Variants in TCF20 observed in about 807,000 individuals in gnomAD.
TCF20 encodes SPRE-binding protein.
TCF20 carries 3 observed loss-of-function variants against 148.6 expected under a neutral mutation model. The ratio of observed to expected loss-of-function variants is 0.02; its 90% CI spans 0.01 to 0.05. The LOEUF is 0.05. Ranked by LOEUF, TCF20 falls within the 10% of genes least tolerant of loss-of-function variation. The pLI, the probability that TCF20 is intolerant of heterozygous loss-of-function variation, is 1.00. For synonymous variants in TCF20, 1,049 were observed against 909.5 expected (o/e 1.15, Z -2.76); for missense variants, 2,350 against 2,429.3 (o/e 0.97, Z 0.69).
intron 1 of TCF20, among the ~76,000 whole-genome samples, chr22:42,228,179 ATTAG>A (rs1029450954): frequency 1.2e-4 from 19 of 152,226 alleles, no homozygotes; most frequent in African/African-American, 2.9e-4. Context: ...AGAGCAGGGA[ATTAG>A]TTAGTTGGTA....
intron 1 of TCF20, among the ~76,000 whole-genome samples, chr22:42,267,103 A>G (rs1926328370): frequency 1.3e-5 from 2 of 151,922 alleles, no homozygotes; most frequent in Admixed American, 1.3e-4. Context: ...TCCCGTCTCT[A>G]CTGAAAATAC....
At chr22:42,243,639 T>G (rs5751250) in intron 1 of TCF20, among the ~76,000 whole-genome samples, 53,573 of 151,788 alleles carry the variant, frequency 0.35, 11,154 homozygotes, top group South Asian at 0.47. Context: ...GAACTGGACT[T>G]GAGTTAATAA....
chr22:42,259,194 C>T (rs1404811069), intron 1 of TCF20, among the ~76,000 whole-genome samples: 1 of 152,202 alleles, frequency 6.6e-6, no homozygotes, highest in Non-Finnish European at 1.5e-5. Context: ...ACCATGCTCC[C>T]TTAATCGCTA....
chr22:42,231,003 A>G (rs1183543807), intron 1 of TCF20, among the ~76,000 whole-genome samples: 1 of 152,116 alleles, frequency 6.6e-6, no homozygotes, highest in African/African-American at 2.4e-5. Flanking sequence ...TACTAAAAAA[A>G]ACACAAAAAT....
chr22:42,241,005 G>A (rs888353799), intron 1 of TCF20, among the ~76,000 whole-genome samples: 3 of 151,954 alleles, frequency 2.0e-5, no homozygotes, highest in Admixed American at 6.6e-5. Flanking sequence ...ACAAGCACCC[G>A]CCATCACGCC....
At chr22:42,268,756 A>G (rs1156286417) in intron 1 of TCF20, among the ~76,000 whole-genome samples, 1 of 152,256 alleles carries the variant, frequency 6.6e-6, no homozygotes, top group Non-Finnish European at 1.5e-5. Flanking sequence ...GTTAAGGTGC[A>G]TTCCACCTAG....
chr22:42,207,640 A>G (rs1463226607), intron 2 of TCF20, among the ~76,000 whole-genome samples: 9 of 152,154 alleles, frequency 5.9e-5, no homozygotes, highest in South Asian at 2.1e-4. Context: ...ACGTGGAGAA[A>G]CCTCATGTCT....
At chr22:42,305,807 G>A (rs1195026590) in intron 1 of TCF20, among the ~76,000 whole-genome samples, 1 of 151,768 alleles carries the variant, frequency 6.6e-6, no homozygotes, top group Admixed American at 6.6e-5. Flanking sequence ...CCCAGATCTG[G>A]CCCTCCCCCA....
intron 1 of TCF20, among the ~76,000 whole-genome samples, chr22:42,231,403 G>C (rs1246973342): frequency 6.6e-6 from 1 of 152,108 alleles, no homozygotes; most frequent in Non-Finnish European, 1.5e-5. Flanking sequence ...GGTTGCTTGA[G>C]CCCAGGAGTT....
In TCF20 at chr22:42,214,090, C is replaced by T. The variant is rs143327169; in HGVS notation, c.1216G>A (p.Gly406Ser). The stretch of plus-strand genomic sequence containing the variant: ...AACTGTAAAATTCTGTTTCTGGAAC[C>T]CATAGGCACACTGCCTTGCCCACAC... ...LQCGQGSVPM[G>S]SRNRILQLMP... The change falls in exon 2 of 6, where the codon GGT becomes AGT. Residue 406 changes from glycine (G) to serine (S), a missense_variant. Around this residue, in one of 7 missense-constraint regions of TCF20, gnomAD observed 1,641 missense variants for 1,662.6 expected, o/e 0.99. Transcript: ENST00000677622. The T allele has an allele frequency of 1.6e-4, 262 of 1,614,152 alleles. No homozygotes were observed. In the African/African-American group the frequency reaches 3.0e-3, roughly 18 times the overall value.
intron 1 of TCF20, among the ~76,000 whole-genome samples, chr22:42,320,341 G>A (rs1319916330): frequency 6.6e-6 from 1 of 152,228 alleles, no homozygotes; most frequent in African/African-American, 2.4e-5. Context: ...CTTAGCAGCT[G>A]TGGACCTTAG....
intron 5 of TCF20, 106 bp downstream of exon 5, chr22:42,168,503 C>T: frequency 1.4e-6 from 2 of 1,441,920 alleles, no homozygotes; most frequent in Non-Finnish European, 1.8e-6. Context: ...TTGTCATCCA[C>T]AGGATGAAAT....
intron 2 of TCF20, among the ~76,000 whole-genome samples, chr22:42,183,619 C>T (rs145782416): frequency 1.0e-3 from 157 of 152,308 alleles, no homozygotes; most frequent in African/African-American, 3.7e-3. Context: ...ACCTCAATTC[C>T]AGCCCAGTAA....
intron 2 of TCF20, among the ~76,000 whole-genome samples, chr22:42,200,895 C>T (rs1312424487): frequency 6.6e-6 from 1 of 152,150 alleles, no homozygotes; most frequent in African/African-American, 2.4e-5. Flanking sequence ...TTGCACTGCC[C>T]GTAAATTAAA....
intron 1 of TCF20, among the ~76,000 whole-genome samples, chr22:42,329,065 G>A (rs1198531517): frequency 3.3e-5 from 5 of 152,156 alleles, no homozygotes; most frequent in Non-Finnish European, 7.4e-5. Context: ...TCATTTCCCC[G>A]CTCCCCCTCT....
intron 1 of TCF20, among the ~76,000 whole-genome samples, chr22:42,319,164 A>G (rs1207344346): frequency 6.6e-6 from 1 of 152,196 alleles, no homozygotes; most frequent in South Asian, 2.1e-4. Context: ...AAGTCTAGGA[A>G]GACTTCCTGG....
intron 1 of TCF20, among the ~76,000 whole-genome samples, chr22:42,269,234 G>A (rs1331730700): frequency 6.6e-6 from 1 of 152,056 alleles, no homozygotes; most frequent in Non-Finnish European, 1.5e-5. Context: ...AGATCAGCCT[G>A]TTAGATAATA....
At chr22:42,307,339 CA>C (rs1927454059) in intron 1 of TCF20, among the ~76,000 whole-genome samples, 1 of 152,232 alleles carries the variant, frequency 6.6e-6, no homozygotes, top group Admixed American at 6.5e-5. Context: ...CTTCCATCTG[CA>C]CTTAGGCCCA....
upstream of TCF20, among the ~76,000 whole-genome samples, chr22:42,285,521 C>T (rs1412759340): frequency 6.6e-6 from 1 of 152,154 alleles, no homozygotes; most frequent in Non-Finnish European, 1.5e-5. The surrounding 1 kb of genome is among the most constrained non-coding windows in gnomAD (Gnocchi z 4.2). Flanking sequence ...AGGCATTCCG[C>T]AGCCCTTCTA....
Sources: gnomAD v4.1 joint callset for allele counts (sites outside exome capture counted in the v4.1 genomes callset) on GRCh38, gnomAD v4.1.1 for gene constraint, gnomAD v4.1.1 regional missense constraint, Gnocchi (gnomAD v3.1) non-coding constraint, MANE v1.5 for transcripts, NCBI Gene and HGNC (gene_info 2026-07-23, HGNC 2026-07-21) for gene names.